SMPDL3A: variants seen among roughly 807,000 people sequenced by gnomAD.
SMPDL3A encodes the protein cyclic GMP-AMP phosphodiesterase SMPDL3A.
A neutral mutation model predicts 38.5 loss-of-function variants in SMPDL3A; 39 were observed. The observed-to-expected ratio is 1.01, with a 90% confidence interval of 0.78 to 1.32. The LOEUF is 1.32. Ranked by LOEUF, SMPDL3A falls within the 40% of genes most tolerant of loss-of-function variation. The probability of loss-of-function intolerance (pLI) is 0.00; values close to 1 mark genes in which losing one functional copy is unlikely to be tolerated. For synonymous variants in SMPDL3A, 180 were observed against 194.3 expected (o/e 0.93, Z 0.61); for missense variants, 502 against 536.2 (o/e 0.94, Z 0.63).
At chr6:122,794,465 C>CGG (rs1781178214) in intron 1 of SMPDL3A, among the ~76,000 whole-genome samples, 1 of 152,024 alleles carries the variant, frequency 6.6e-6, no homozygotes, top group Non-Finnish European at 1.5e-5. Context: ...GGTGTGGTGG[C>CGG]GTGCACCTGT....
At chr6:122,804,499 C>T (rs1781538189) in intron 5 of SMPDL3A, among the ~76,000 whole-genome samples, 1 of 151,490 alleles carries the variant, frequency 6.6e-6, no homozygotes, top group East Asian at 1.9e-4. Flanking sequence ...TTTGTAGAGA[C>T]AAGATTTCAC....
intron 4 of SMPDL3A, among the ~76,000 whole-genome samples, chr6:122,802,186 ATATC>A (rs1781446660): frequency 7.2e-6 from 1 of 139,524 alleles, no homozygotes; most frequent in South Asian, 2.4e-4. Context: ...CTAGGGAACT[ATATC>A]TAGTCTTTTT....
At chr6:122,793,103 A>G (rs1440138413) in intron 1 of SMPDL3A, among the ~76,000 whole-genome samples, 1 of 152,234 alleles carries the variant, frequency 6.6e-6, no homozygotes, top group African/African-American at 2.4e-5. Context: ...TGGAGTATAC[A>G]TAATAATGAG....
chr6:122,795,523 T>C (rs1448412299), intron 1 of SMPDL3A, among the ~76,000 whole-genome samples, 154 bp from the exon 2 acceptor site: 1 of 152,240 alleles, frequency 6.6e-6, no homozygotes, highest in Non-Finnish European at 1.5e-5. Flanking sequence ...AGAGAAGGAC[T>C]GTATTTAACT....
At chr6:122,789,601 ACCACGG>A (rs1292976446) in intron 1 of SMPDL3A, 143 bp downstream of exon 1, 1 of 849,124 alleles carries the variant, frequency 1.2e-6, no homozygotes, top group African/African-American at 1.8e-5. Context: ...TCCGGCGTTG[ACCACGG>A]CTGGTGGGCG....
At chr6:122,806,558 G>C (rs1249255613) in intron 7 of SMPDL3A, among the ~76,000 whole-genome samples, 1 of 152,158 alleles carries the variant, frequency 6.6e-6, no homozygotes, top group Non-Finnish European at 1.5e-5. Flanking sequence ...TTGGAAGGCT[G>C]TTTCTGTTCT....
chr6:122,792,824 T>A (rs1354445353), intron 1 of SMPDL3A, among the ~76,000 whole-genome samples: 3 of 152,078 alleles, frequency 2.0e-5, no homozygotes, highest in African/African-American at 7.2e-5. Context: ...TCAAGCGATC[T>A]TCCTGCCTCA....
chr6:122,799,902 C>T (rs1193100941), intron 3 of SMPDL3A, among the ~76,000 whole-genome samples: 2 of 146,646 alleles, frequency 1.4e-5, no homozygotes, highest in Non-Finnish European at 1.5e-5. Flanking sequence ...TTTTTTAAAA[C>T]AAAATTAAAA....
chr6:122,806,724 C>T (rs980137203), intron 7 of SMPDL3A, among the ~76,000 whole-genome samples: 1 of 152,128 alleles, frequency 6.6e-6, no homozygotes, highest in African/African-American at 2.4e-5. Flanking sequence ...TTACCATTCC[C>T]TCTCATGAGC....
intron 4 of SMPDL3A, 29 bp downstream of exon 4, chr6:122,801,435 T>G: frequency 6.9e-7 from 1 of 1,453,150 alleles, no homozygotes. Flanking sequence ...TATTCCTATT[T>G]TGCCTCAATT....
chr6:122,806,395 G>T (rs906072570), intron 7 of SMPDL3A, 38 bp downstream of exon 7: 8 of 1,566,434 alleles, frequency 5.1e-6, no homozygotes, highest in Non-Finnish European at 7.0e-6. Context: ...CCATATTTAT[G>T]CATATCTTTG....
At chr6:122,795,637 G>A (rs1254181850) in intron 1 of SMPDL3A, 40 bp from the exon 2 acceptor site, 1 of 1,460,838 alleles carries the variant, frequency 6.8e-7, no homozygotes, top group African/African-American at 1.4e-5. Context: ...TTCCAAAAGA[G>A]AACAAGTAGA....
In SMPDL3A at chr6:122,795,740, CA is replaced by C. The variant is rs770262658; in HGVS notation, c.180del (p.Val61CysfsTer45). On this transcript the variant is annotated frameshift_variant, in exon 2 of 8. Coordinates refer to ENST00000368440, the MANE Select transcript of SMPDL3A (RefSeq NM_006714.5). LOFTEE classifies it high-confidence loss of function. ...ACTTACCACATCACAGATGACCACA[CA>C]AAAGTGTGTGCTTCATCTAAAGGTG... The part of the protein sequence containing the change: ...DPTYHITDDH[T>X]KVCASSKGAN... 5 of 1,614,062 alleles carry C rather than the reference CA, an allele frequency of 3.1e-6. No individual in the cohort carries two copies. In the African/African-American group the frequency reaches 6.7e-5, roughly 22 times the overall value.
rs747079838 is a variant in SMPDL3A, at chr6:122,809,196, C to T, written c.1150C>T (p.Gln384Ter). Residue 384 changes from glutamine to a stop codon, truncating the protein, a stop_gained, in exon 8 of 8, where the codon CAG (glutamine) becomes TAG (stop). Transcript: ENST00000368440. LOFTEE classifies it low-confidence loss of function (END_TRUNC). ...CCAGACCTACGACATTGAAGATTTG[C>T]AGCCGGAAAGTTTATATGGATTAGC... is the stretch of plus-strand genomic sequence containing the variant. ...LTQTYDIEDLQPESLYGLAKQ... is the reference protein window; with the variant it reads ...LTQTYDIEDL 3.7e-6 allele frequency: 6 copies of T among 1,614,134 alleles called. No homozygotes were observed. Among genetic ancestry groups the T allele is most frequent in the Admixed American group, 1.7e-5 (1 of 60,018 alleles).
intron 7 of SMPDL3A, among the ~76,000 whole-genome samples, chr6:122,806,564 G>A (rs1481993551): frequency 2.0e-5 from 3 of 152,146 alleles, no homozygotes; most frequent in Non-Finnish European, 4.4e-5. Flanking sequence ...GGCTGTTTCT[G>A]TTCTGTTCTT....
At chr6:122,799,988 G>T in intron 3 of SMPDL3A, among the ~76,000 whole-genome samples, 1 of 111,236 alleles carries the variant, frequency 9.0e-6, no homozygotes. Flanking sequence ...TTTTGAAACA[G>T]GGTCTTTTTC....
intron 3 of SMPDL3A, among the ~76,000 whole-genome samples, chr6:122,800,438 C>G (rs970561876): frequency 1.3e-5 from 2 of 152,156 alleles, no homozygotes; most frequent in Non-Finnish European, 2.9e-5. Context: ...TTCCCGTTCC[C>G]TCGGCATGCT....
chr6:122,808,597 CCCTCCCTCCCTCCCTTCCTT>C (rs1562357604), intron 7 of SMPDL3A, among the ~76,000 whole-genome samples: 1 of 35,824 alleles, frequency 2.8e-5, no homozygotes, highest in Non-Finnish European at 6.1e-5. Flanking sequence ...CTCCCTTCCT[CCCTCCCTCCCTCCCTTCCTT>C]CCTTCCTTCC....
At chr6:122,794,511 C>T (rs1275775628) in intron 1 of SMPDL3A, among the ~76,000 whole-genome samples, 2 of 152,104 alleles carry the variant, frequency 1.3e-5, no homozygotes, top group Admixed American at 6.5e-5. Context: ...GCAGAAGAAT[C>T]GCTTGAACCC....
Sources: allele counts gnomAD v4.1 joint callset (sites outside exome capture counted in the v4.1 genomes callset), GRCh38; gene constraint gnomAD v4.1.1; transcripts MANE v1.5; gene names NCBI Gene and HGNC (gene_info 2026-07-23, HGNC 2026-07-21).